Variants in QRICH1 observed in about 807,000 individuals in gnomAD.
QRICH1 encodes the protein glutamine rich 1.
Under a neutral mutation model 87.1 loss-of-function variants are expected in QRICH1, and 16 were observed. The observed-to-expected ratio is 0.18, with a 90% CI of 0.12 to 0.28. The LOEUF (loss-of-function observed/expected upper bound fraction) is 0.28, where lower values mean the gene tolerates loss of function less well. Ranked by LOEUF, QRICH1 falls within the 10% of genes least tolerant of loss-of-function variation. The pLI is 1.00. For missense variants in QRICH1, 647 were observed against 951.7 expected, an observed-to-expected ratio of 0.68 and a Z score of 4.21; for synonymous variants, 367 against 368.4, an observed-to-expected ratio of 1.00 and a Z score of 0.05.
In QRICH1 at chr3:49,032,629, G is replaced by T; in HGVS notation, c.2040C>A (p.Gly680=). The T allele has an allele frequency of 1.9e-6, 3 of 1,583,002 alleles. No individual in the cohort carries two copies. The highest frequency in any genetic ancestry group is 1.7e-4 in the Middle Eastern group (1 of 5,914). ...CCTGCCTCCTTTCCCTACCTTTCTG[G>T]CCAGTCTGGTGTATTCCAAGGGCCT... ...YLKALGIHQT[G]QKVTDDMYAE... is the part of the protein sequence containing the mutation. Residue 680 remains glycine, a synonymous_variant, in exon 8 of 10, where the codon GGC becomes GGA. Transcript: ENST00000395443.
chr3:49,079,369 G>A (rs2106996305), intron 1 of QRICH1, among the ~76,000 whole-genome samples: 1 of 151,332 alleles, frequency 6.6e-6, no homozygotes, highest in African/African-American at 2.4e-5. Flanking sequence ...GGGAAACCTA[G>A]AGAGACTTTC....
At position 49,069,098 on chromosome 3, in the gene QRICH1, A is replaced by T. The variant is rs1313334258; in HGVS notation, c.309+7611T>A. ...AAGTAGAAAATTTATTATTATTATT[A>T]TTATTATTATTTTTTTTTTTTTTTT... On this transcript the variant is annotated intron_variant, in intron 2 of 9. Transcript: ENST00000395443. Among the ~76,000 whole-genome samples, 25 of 83,894 alleles carry T rather than the reference A, an allele frequency of 3.0e-4. No homozygotes were observed. The East Asian group carries it at 7.7e-3, about 26-fold the overall frequency. 55.0% of individuals were successfully genotyped at this position (83,894 alleles called of 152,430 possible).
chr3:49,033,471 T>C, intron 6 of QRICH1: 1 of 341,834 alleles, frequency 2.9e-6, no homozygotes, highest in Non-Finnish European at 5.3e-6. Flanking sequence ...ACCACAGCCT[T>C]ACATGATTGT....
chr3:49,033,503 T>A (rs1028985049), intron 6 of QRICH1: 7 of 288,524 alleles, frequency 2.4e-5, no homozygotes, highest in Non-Finnish European at 4.5e-5. Context: ...AATCCAAGGC[T>A]AACACAGGGC....
chr3:49,047,987 C>T (rs1267232303), intron 3 of QRICH1, among the ~76,000 whole-genome samples: 1 of 152,102 alleles, frequency 6.6e-6, no homozygotes, highest in East Asian at 1.9e-4. Context: ...AAAAGTAATT[C>T]TAATGTTTGG....
chr3:49,056,668 A>G, intron 3 of QRICH1, 194 bp downstream of exon 3: 1 of 982,172 alleles, frequency 1.0e-6, no homozygotes, highest in South Asian at 1.6e-5. Flanking sequence ...ATTTACCTCC[A>G]GGTACCAGGA....
Position 49,049,913 on chromosome 3 carries a change from T to C in QRICH1, c.1339-2667A>G, listed in dbSNP as rs1273417618. Among the ~76,000 whole-genome samples the C allele has an allele frequency of 6.6e-5, 10 of 152,196 alleles. No homozygotes were observed. The South Asian group carries it at 2.1e-3, about 32-fold the overall frequency. ...ACTGAGTCACCACATGTTCAAAGAA[T>C]GTGCTTGAGCTGGGCGCGGTGGCTC... On this transcript the variant is annotated intron_variant, in intron 3 of 9. Coordinates refer to ENST00000395443, the MANE Select transcript of QRICH1 (RefSeq NM_198880.3).
chr3:49,082,128 G>C (rs1395821022), intron 1 of QRICH1, among the ~76,000 whole-genome samples: 1 of 151,988 alleles, frequency 6.6e-6, no homozygotes, highest in Non-Finnish European at 1.5e-5. Flanking sequence ...TTTCAGTGGA[G>C]ATGGAGTTTT....
At chr3:49,045,237 C>G (rs1161886090) in intron 5 of QRICH1, among the ~76,000 whole-genome samples, 1 of 149,698 alleles carries the variant, frequency 6.7e-6, no homozygotes, top group Non-Finnish European at 1.5e-5. Context: ...AACCTCTATG[C>G]TGGCACAAGA....
At chr3:49,030,996 T>C (rs1221711702) in intron 9 of QRICH1, among the ~76,000 whole-genome samples, 1 of 150,472 alleles carries the variant, frequency 6.6e-6, no homozygotes, top group Non-Finnish European at 1.5e-5. Flanking sequence ...TTGCGCTTTT[T>C]TTTTTTTTTT....
upstream of QRICH1, chr3:49,094,357 C>G (rs1008884935): frequency 3.7e-6 from 1 of 270,966 alleles, no homozygotes; most frequent in African/African-American, 2.2e-5. Context: ...CCGCCAGAGC[C>G]TCCTTTGGTC....
rs397724825 is a variant in QRICH1 at position 49,047,479 on chromosome 3, GT to G, written c.1339-234del. 5.7e-3 allele frequency among the ~76,000 whole-genome samples: 623 copies of G among 109,062 alleles called. 1 individual carries two copies. The highest frequency in any genetic ancestry group is 0.011 in the East Asian group (43 of 3,814). The allele number at this position is 109,062 out of a possible 152,430, so 71.5% of individuals were successfully genotyped here. A position where few individuals can be genotyped will look rare whatever the true frequency, so the allele number is the denominator to read the frequency against. On this transcript the variant is annotated intron_variant, in intron 3 of 9. Transcript: ENST00000395443. ...CTCAGCCTTGGCTGCACTTTTAAAT[GT>G]TTTTTTTTTTTTTTTTTTTTGAGAC...
Position 49,057,395 on chromosome 3 carries a change from G to C in QRICH1, c.805C>G (p.Leu269Val). The change falls in exon 3 of 10, where the codon CTG (leucine) becomes GTG (valine). Residue 269 changes from leucine (L) to valine (V), a missense_variant. This residue lies in a region of QRICH1 where 75 missense variants were observed against 141.0 expected (regional missense o/e 0.53). Coordinates refer to ENST00000395443, the MANE Select transcript of QRICH1 (RefSeq NM_198880.3). This position sits in a 1 kb window ranked among gnomAD's most constrained non-coding sequence, Gnocchi z 5.4. ...TGCTGCTGGCCCTGTGGAATGGCCA[G>C]CACGGTGGCCACCGGCTGCCCTGAG... ...AISGQPVATV[L>V]AIPQGQQQSY... 1 of 1,614,184 alleles carries C rather than the reference G, an allele frequency of 6.2e-7. No homozygotes were observed. Among genetic ancestry groups the C allele is most frequent in the Non-Finnish European group, 8.5e-7 (1 of 1,180,038 alleles).
rs561390337 is a variant in QRICH1 at position 49,051,594 on chromosome 3, C to A, written c.1339-4348G>T. Among the ~76,000 whole-genome samples, 641 of 140,360 alleles carry A rather than the reference C, an allele frequency of 4.6e-3. 13 individuals are homozygous for A. The highest frequency in any genetic ancestry group is 7.5e-3 in the Non-Finnish European group (484 of 64,144). The allele number at this position is 140,360 out of a possible 152,430, so 92.1% of individuals were successfully genotyped here. ...TAGAACCCCCCCTGCGCCCCCCCCC[C>A]CCTCCGCTTAATATACCTAGTGGGT... On this transcript the variant is annotated intron_variant, in intron 3 of 9. Transcript: ENST00000395443.
chr3:49,042,115 G>A lies in QRICH1; in HGVS notation c.1786+2275C>T, dbSNP rs1407427251. ...TTGGGCGGGGGGGCGGGGGTGGCAC[G>A]GGGCAGACTCTTGCTCTTGTCGCCC... On this transcript the variant is annotated intron_variant, in intron 6 of 9. Transcript: ENST00000395443. Among the ~76,000 whole-genome samples the A allele has an allele frequency of 5.4e-5, 8 of 147,340 alleles. No individual in the cohort carries two copies. The South Asian group carries it at 6.5e-4, about 12-fold the overall frequency.
intron 6 of QRICH1, among the ~76,000 whole-genome samples, chr3:49,037,461 G>A (rs1023267701): frequency 1.3e-5 from 2 of 152,218 alleles, no homozygotes; most frequent in African/African-American, 2.4e-5. Flanking sequence ...GGCCAGGCAA[G>A]GTGGCTCACA....
intron 5 of QRICH1, among the ~76,000 whole-genome samples, chr3:49,045,330 A>C (rs1348732958): frequency 2.5e-4 from 6 of 24,146 alleles, no homozygotes. Context: ...GAATTACAAA[A>C]AAAAAAAAAA....
intron 2 of QRICH1, among the ~76,000 whole-genome samples, chr3:49,064,744 A>T (rs1163359636): frequency 1.3e-5 from 2 of 152,152 alleles, no homozygotes; most frequent in African/African-American, 4.8e-5. Flanking sequence ...AGCCAGATGC[A>T]GTGGCTCATG....
intron 8 of QRICH1, 30 bp downstream of exon 8, chr3:49,032,592 G>A (rs536059339): frequency 6.5e-7 from 1 of 1,543,302 alleles, no homozygotes; most frequent in Non-Finnish European, 8.7e-7. Context: ...AGTAGCACCT[G>A]TTTTTGCCAT....
Sources: gnomAD v4.1 joint callset for allele counts (sites outside exome capture counted in the v4.1 genomes callset) on GRCh38, gnomAD v4.1.1 for gene constraint, gnomAD v4.1.1 regional missense constraint, Gnocchi (gnomAD v3.1) non-coding constraint, MANE v1.5 for transcripts, NCBI Gene and HGNC (gene_info 2026-07-23, HGNC 2026-07-21) for gene names.